MICU2: variants seen among roughly 807,000 people sequenced by gnomAD.
MICU2 encodes the protein mitochondrial calcium uptake 2.
Under a neutral mutation model 60.4 loss-of-function variants are expected in MICU2, and 64 were observed. The ratio of observed to expected loss-of-function variants is 1.06; its 90% CI spans 0.87 to 1.31. MICU2 has a LOEUF of 1.31. Ranked by LOEUF, MICU2 falls within the 50% of genes most tolerant of loss-of-function variation. The pLI is 0.00. For synonymous variants in MICU2, 201 were observed against 175.0 expected, an observed-to-expected ratio of 1.15 and a Z score of -1.17; for missense variants, 569 against 531.0, an observed-to-expected ratio of 1.07 and a Z score of -0.70.
At chr13:21,540,634 T>C (rs778470318) in intron 2 of MICU2, among the ~76,000 whole-genome samples, 30 of 152,190 alleles carry the variant, frequency 2.0e-4, no homozygotes, top group Non-Finnish European at 3.4e-4. Context: ...AGTCAAAACA[T>C]TACTTGTGAA....
chr13:21,499,128 T>G (rs1886078879), intron 9 of MICU2, among the ~76,000 whole-genome samples: 1 of 151,966 alleles, frequency 6.6e-6, no homozygotes, highest in Admixed American at 6.6e-5. Flanking sequence ...TTTTTGTATT[T>G]TTAGAAGAGA....
chr13:21,579,215 C>A (rs868706340), intron 1 of MICU2, among the ~76,000 whole-genome samples: 1 of 152,150 alleles, frequency 6.6e-6, no homozygotes, highest in Non-Finnish European at 1.5e-5. Flanking sequence ...ATTCATATTT[C>A]TGTTCTTGTT....
intron 1 of MICU2, among the ~76,000 whole-genome samples, chr13:21,601,065 G>C (rs1377925229): frequency 1.3e-5 from 2 of 152,176 alleles, no homozygotes; most frequent in Non-Finnish European, 2.9e-5. Context: ...CAAAGTGCTG[G>C]GATTACAGGC....
chr13:21,540,807 A>G (rs1887263080), intron 2 of MICU2, among the ~76,000 whole-genome samples: 2 of 152,140 alleles, frequency 1.3e-5, no homozygotes, highest in African/African-American at 4.8e-5. Context: ...AGATAATCAA[A>G]TAGATAAAAA....
rs563983756 is a variant in MICU2, at chr13:21,551,544, G to A, written c.359-11856C>T. ...GTTGGTGCACTGCACCCATTAACTC[G>A]TCATTTAGCATTAGGTATATCTCCT... On this transcript the variant is annotated intron_variant, in intron 2 of 11. Coordinates refer to ENST00000382374, the MANE Select transcript of MICU2 (RefSeq NM_152726.3). The A allele has an allele frequency of 2.3e-3, 354 of 150,718 alleles. 4 individuals carry two copies. Among genetic ancestry groups the A allele is most frequent in the African/African-American group, 7.2e-3 (295 of 41,062 alleles). The allele number at this position is 150,718 out of a possible 1,614,324, so 9.3% of individuals were successfully genotyped here.
At chr13:21,509,932 T>C (rs1886385445) in intron 8 of MICU2, 72 bp downstream of exon 8, 19 of 844,174 alleles carry the variant, frequency 2.3e-5, no homozygotes, top group Non-Finnish European at 3.4e-5. Context: ...TTCTAGAAAA[T>C]GAATATATTC....
chr13:21,577,461 C>A (rs1888250718), intron 1 of MICU2, among the ~76,000 whole-genome samples: 2 of 151,754 alleles, frequency 1.3e-5, no homozygotes, highest in African/African-American at 4.8e-5. Context: ...TGTAGACCAG[C>A]CTGGGCAACA....
chr13:21,593,571 C>CAAAAAAAAAAAAAAAA (rs71093338), intron 1 of MICU2, among the ~76,000 whole-genome samples: 3 of 63,028 alleles, frequency 4.8e-5, no homozygotes, highest in Admixed American at 2.7e-4. Context: ...CAATCCTAAG[C>CAAAAAAAAAAAAAAAA]AAAAAAAAAA....
At chr13:21,555,519 C>T (rs1275747801) in intron 2 of MICU2, among the ~76,000 whole-genome samples, 1 of 152,236 alleles carries the variant, frequency 6.6e-6, no homozygotes, top group Middle Eastern at 3.4e-3. Context: ...TGGGATGTAT[C>T]TCAAAATAAT....
intron 8 of MICU2, among the ~76,000 whole-genome samples, chr13:21,507,558 G>T (rs1013748387): frequency 3.9e-5 from 6 of 151,994 alleles, no homozygotes; most frequent in Non-Finnish European, 7.4e-5. Flanking sequence ...TAGCCATCAG[G>T]TAAACTGGGA....
chr13:21,597,508 T>C (rs1888719454), intron 1 of MICU2, among the ~76,000 whole-genome samples: 1 of 152,180 alleles, frequency 6.6e-6, no homozygotes, highest in Non-Finnish European at 1.5e-5. Context: ...AGTTCTTTCA[T>C]TCACCCTAGA....
intron 2 of MICU2, among the ~76,000 whole-genome samples, chr13:21,545,579 G>A (rs1887395608): frequency 6.6e-6 from 1 of 152,094 alleles, no homozygotes; most frequent in Non-Finnish European, 1.5e-5. Flanking sequence ...TACTCTGGAG[G>A]CTGAGGCAGG....
chr13:21,550,101 C>G (rs1328146308), intron 2 of MICU2, among the ~76,000 whole-genome samples: 3 of 152,178 alleles, frequency 2.0e-5, no homozygotes, highest in Admixed American at 2.0e-4. Context: ...ACACAGGAGC[C>G]ACAAATATCT....
chr13:21,547,288 A>G (rs1887439872), intron 2 of MICU2, among the ~76,000 whole-genome samples: 1 of 152,172 alleles, frequency 6.6e-6, no homozygotes, highest in African/African-American at 2.4e-5. Context: ...CTGTCTTTTC[A>G]ATTTTGAAAA....
At chr13:21,599,258 C>T (rs1176037484) in intron 1 of MICU2, among the ~76,000 whole-genome samples, 1 of 152,234 alleles carries the variant, frequency 6.6e-6, no homozygotes, top group African/African-American at 2.4e-5. Context: ...AACTCTAAAA[C>T]TCTCTAGTTC....
intron 1 of MICU2, among the ~76,000 whole-genome samples, chr13:21,599,083 T>C (rs1190391050): frequency 6.6e-6 from 1 of 152,220 alleles, no homozygotes; most frequent in Non-Finnish European, 1.5e-5. Flanking sequence ...TAATGCCTGA[T>C]GATCTGAGGT....
chr13:21,577,480 C>A (rs189745990), intron 1 of MICU2, among the ~76,000 whole-genome samples: 223 of 151,920 alleles, frequency 1.5e-3, no homozygotes, highest in African/African-American at 5.2e-3. Context: ...CACAGCAAGA[C>A]CCTGTTTCTA....
chr13:21,551,005 T>G (rs1298162316), intron 2 of MICU2, among the ~76,000 whole-genome samples: 3 of 152,220 alleles, frequency 2.0e-5, no homozygotes, highest in Non-Finnish European at 4.4e-5. Context: ...AACTATCCTT[T>G]GATCTCAACG....
intron 8 of MICU2, among the ~76,000 whole-genome samples, chr13:21,507,910 TTTTC>T (rs1364921948): frequency 1.3e-5 from 2 of 151,870 alleles, no homozygotes; most frequent in South Asian, 2.1e-4. Flanking sequence ...CCAGATTTTC[TTTTC>T]TTTTTCTTTC....
Sources: allele counts gnomAD v4.1 joint callset (sites outside exome capture counted in the v4.1 genomes callset), GRCh38; gene constraint gnomAD v4.1.1; transcripts MANE v1.5; gene names NCBI Gene and HGNC (gene_info 2026-07-23, HGNC 2026-07-21).